Variants in TASOR observed in about 807,000 individuals in gnomAD.
The protein encoded by TASOR is protein TASOR.
TASOR carries 53 observed loss-of-function variants against 178.6 expected under a neutral mutation model. That is an observed-to-expected ratio of 0.30 (90% CI 0.24 to 0.37). The LOEUF (loss-of-function observed/expected upper bound fraction) is 0.37. Ranked by LOEUF, TASOR falls within the 10% of genes least tolerant of loss-of-function variation. The pLI, the probability that TASOR is intolerant of heterozygous loss-of-function variation, is 1.00. For missense variants in TASOR, 1,815 were observed against 1,971.4 expected (o/e 0.92, Z 1.50); for synonymous variants, 713 against 696.2 (o/e 1.02, Z -0.38).
intron 2 of TASOR, 76 bp from the exon 3 acceptor site, chr3:56,671,768 C>T (rs2030763192): frequency 4.4e-6 from 5 of 1,126,306 alleles, no homozygotes; most frequent in Non-Finnish European, 6.3e-6. Flanking sequence ...ATTTTTTTTT[C>T]CAAGAAATCT....
chr3:56,660,709 C>A (rs746710325), intron 11 of TASOR, 22 bp downstream of exon 11: 1 of 1,560,242 alleles, frequency 6.4e-7, no homozygotes, highest in Non-Finnish European at 8.8e-7. Flanking sequence ...GAATGAGAAA[C>A]ATTAAAAAAC....
chr3:56,646,557 G>A lies in TASOR; in HGVS notation c.2180C>T (p.Thr727Ile), dbSNP rs893722513. The A allele has an allele frequency of 6.2e-7, 1 of 1,607,984 alleles. No individual in the cohort carries two copies. The highest frequency in any genetic ancestry group is 8.5e-7 in the Non-Finnish European group (1 of 1,178,638). ...ATGGCAATTTTCAGATAAATTACTG[G>A]TTTTGGCGAGCTTTCTCATATTTTC... ...LPENMRKLAK[T>I]SNLSENCHLY... Residue 727 changes from threonine (T) to isoleucine (I), a missense_variant, in exon 14 of 24, where the codon ACC (threonine) becomes ATC (isoleucine). Physicochemically the swap from Thr to Ile is moderately conservative, Grantham distance 89 (BLOSUM62 -1). Around this residue, in one of 5 missense-constraint regions of TASOR, gnomAD observed 655 missense variants for 671.1 expected, o/e 0.98. Coordinates refer to ENST00000683822, the MANE Select transcript of TASOR (RefSeq NM_001365635.2).
intron 11 of TASOR, among the ~76,000 whole-genome samples, chr3:56,649,404 A>C (rs1167766448): frequency 6.6e-6 from 1 of 152,240 alleles, no homozygotes; most frequent in Non-Finnish European, 1.5e-5. Flanking sequence ...ATTAATGGCC[A>C]AGGTAATGTG....
intron 21 of TASOR, among the ~76,000 whole-genome samples, chr3:56,626,718 G>C (rs1240342097): frequency 6.6e-6 from 1 of 151,856 alleles, no homozygotes; most frequent in South Asian, 2.1e-4. Context: ...ACTCCAGCCT[G>C]GGCTACAAAA....
intron 21 of TASOR, among the ~76,000 whole-genome samples, chr3:56,626,811 G>A (rs968317193): frequency 6.6e-6 from 1 of 151,526 alleles, no homozygotes; most frequent in Non-Finnish European, 1.5e-5. Flanking sequence ...AAATGGCAAA[G>A]ATTAAACCAA....
In TASOR at chr3:56,621,394, A is replaced by C. The variant is rs561374130; in HGVS notation, c.*1643T>G. The C allele has an allele frequency of 1.9e-6, 1 of 539,826 alleles. No individual in the cohort carries two copies. The highest frequency in any genetic ancestry group is 2.9e-5 in the East Asian group (1 of 34,964). 33.4% of individuals were successfully genotyped at this position (539,826 alleles called of 1,614,324 possible). The stretch of plus-strand genomic sequence containing the variant: ...CCAAATGAGGTGGTCTAGTACAAGC[A>C]TTTCTGAAAAAATTTTTGAATGACA... On this transcript the variant is annotated 3_prime_UTR_variant, in exon 24 of 24. Transcript: ENST00000683822.
Position 56,660,836 on chromosome 3 carries a change from T to G in TASOR, c.1265-2A>C, listed in dbSNP as rs2077578335. ...TGCAATACATTCCATTCTTCAAAACTGACATAAGAAAAATACATAGTAAAT... is the reference window on the plus strand; with the variant it reads ...TGCAATACATTCCATTCTTCAAAACGGACATAAGAAAAATACATAGTAAAT... On this transcript the variant is annotated splice_acceptor_variant, in intron 10 of 23. Transcript: ENST00000683822. LOFTEE classifies it high-confidence loss of function. 6.2e-7 allele frequency: 1 copy of G among 1,612,902 alleles called. No homozygotes were observed. Among genetic ancestry groups the G allele is most frequent in the Non-Finnish European group, 8.5e-7 (1 of 1,179,648 alleles).
rs182312263 is a variant in TASOR, at chr3:56,676,056, T to C, written c.332-2331A>G. ...GAGTAAGCTCAAACAAGTACTCAAA[T>C]AGAACAAGACTACTCAACACAAAGT... is the stretch of plus-strand genomic sequence containing the variant. On this transcript the variant is annotated intron_variant, in intron 1 of 23. Transcript: ENST00000683822. Among the ~76,000 whole-genome samples, 17 of 152,294 alleles carry C rather than the reference T, an allele frequency of 1.1e-4. No homozygotes were observed. In the East Asian group the frequency reaches 2.9e-3, roughly 26 times the overall value.
chr3:56,627,775 TGGAG>T (rs2076830125), intron 19 of TASOR, 34 bp from the exon 20 acceptor site: 2 of 1,600,782 alleles, frequency 1.2e-6, no homozygotes, highest in Non-Finnish European at 1.7e-6. Flanking sequence ...GAGAAACAGA[TGGAG>T]GGAATGAATT....
chr3:56,682,014 T>C (rs2031836126), intron 1 of TASOR, among the ~76,000 whole-genome samples: 1 of 152,190 alleles, frequency 6.6e-6, no homozygotes, highest in African/African-American at 2.4e-5. Flanking sequence ...TTCCATTCTT[T>C]TCAAATATAA....
At chr3:56,627,859 G>GA in intron 19 of TASOR, 118 bp from the exon 20 acceptor site, 1 of 821,246 alleles carries the variant, frequency 1.2e-6, no homozygotes, top group Non-Finnish European at 1.9e-6. Context: ...TATATTAGTG[G>GA]ATTACCTCTG....
chr3:56,649,239 C>G (rs1023311521), intron 11 of TASOR, among the ~76,000 whole-genome samples, 182 bp from the exon 12 acceptor site: 1 of 152,078 alleles, frequency 6.6e-6, no homozygotes. Flanking sequence ...GGATTCCAAT[C>G]AAATAAAAAT....
At position 56,660,901 on chromosome 3, in the gene TASOR, T is replaced by G. The variant is rs1378994977; in HGVS notation, c.1264+13A>C. The G allele has an allele frequency of 6.2e-7, 1 of 1,608,286 alleles. No individual in the cohort carries two copies. Among genetic ancestry groups the G allele is most frequent in the South Asian group, 1.1e-5 (1 of 89,886 alleles). On this transcript the variant is annotated intron_variant, in intron 10 of 23. Coordinates refer to ENST00000683822, the MANE Select transcript of TASOR (RefSeq NM_001365635.2). Reference sequence around the variant, plus strand: ...TGCTTCTAATGCATTTCAATAAAATTAAATTACCTTACCTTCATTTGGACC... The same window carrying G: ...TGCTTCTAATGCATTTCAATAAAATGAAATTACCTTACCTTCATTTGGACC...
Position 56,683,044 on chromosome 3 carries a change from C to T in TASOR, c.-38G>A. The T allele has an allele frequency of 6.7e-7, 1 of 1,481,502 alleles. No individual in the cohort carries two copies. The highest frequency in any genetic ancestry group is 2.4e-5 in the Admixed American group (1 of 42,272). 91.8% of individuals were successfully genotyped at this position (1,481,502 alleles called of 1,614,324 possible). ...AGGAGCTCTGGGAAGCTTCTGCCCACAAGGTCGACGGGTGTGGGGGGAAGG... is the reference window on the plus strand; with the variant it reads ...AGGAGCTCTGGGAAGCTTCTGCCCATAAGGTCGACGGGTGTGGGGGGAAGG... On this transcript the variant is annotated 5_prime_UTR_variant, in exon 1 of 24. The change creates a new upstream start codon in the 5' untranslated region. Coordinates refer to ENST00000683822, the MANE Select transcript of TASOR (RefSeq NM_001365635.2).
rs769340242 is a variant in TASOR, at chr3:56,633,487, C to G, written c.3304G>C (p.Val1102Leu). The G allele has an allele frequency of 6.2e-7, 1 of 1,614,030 alleles. No individual in the cohort carries two copies. The highest frequency in any genetic ancestry group is 8.5e-7 in the Non-Finnish European group (1 of 1,180,042). The change falls in exon 18 of 24, where the codon GTC becomes CTC. Residue 1102 changes from valine to leucine, a missense_variant. Physicochemically the swap from Val to Leu is conservative, Grantham distance 32. Transcript: ENST00000683822. ...ASAKGGNLPPVSPNDSGAKIA... is the reference protein window; with the variant it reads ...ASAKGGNLPPLSPNDSGAKIA... ...TTAGCACCAGAATCGTTAGGACTGA[C>G]TGGTGGCAAATTCCCACCCTTGGCT...
At chr3:56,668,321 G>C (rs949513841) in intron 6 of TASOR, 76 bp downstream of exon 6, 1 of 1,399,640 alleles carries the variant, frequency 7.1e-7, no homozygotes, top group African/African-American at 1.4e-5. Flanking sequence ...AGAGAGAACT[G>C]AAAGGGAGAC....
intron 1 of TASOR, among the ~76,000 whole-genome samples, chr3:56,680,194 T>C (rs2031668363): frequency 6.6e-6 from 1 of 152,174 alleles, no homozygotes; most frequent in Non-Finnish European, 1.5e-5. Flanking sequence ...AACTTAGCTG[T>C]GTGACCTGAA....
At chr3:56,652,889 G>A (rs1365753946) in intron 11 of TASOR, among the ~76,000 whole-genome samples, 3 of 152,196 alleles carry the variant, frequency 2.0e-5, no homozygotes, top group Non-Finnish European at 4.4e-5. Flanking sequence ...AAGTTACTTA[G>A]AATGCAGCAC....
Position 56,646,553 on chromosome 3 carries a change from A to G in TASOR, c.2184T>C (p.Ser728=). The G allele has an allele frequency of 6.2e-7, 1 of 1,605,656 alleles. No individual in the cohort carries two copies. The highest frequency in any genetic ancestry group is 8.5e-7 in the Non-Finnish European group (1 of 1,177,940). ...ACAGATGGCAATTTTCAGATAAATT[A>G]CTGGTTTTGGCGAGCTTTCTCATAT... The part of the protein sequence containing the change: ...PENMRKLAKT[S]NLSENCHLYE... Residue 728 remains serine, a synonymous_variant, in exon 14 of 24, where the codon AGT becomes AGC. Coordinates refer to ENST00000683822, the MANE Select transcript of TASOR (RefSeq NM_001365635.2).
Sources: gnomAD v4.1 joint callset for allele counts (sites outside exome capture counted in the v4.1 genomes callset) on GRCh38, gnomAD v4.1.1 for gene constraint, gnomAD v4.1.1 regional missense constraint, MANE v1.5 for transcripts, NCBI Gene and HGNC (gene_info 2026-07-23, HGNC 2026-07-21) for gene names.